Variants in INSL6 observed in about 807,000 individuals in gnomAD.
INSL6 encodes the protein insulin-like peptide INSL6.
A neutral mutation model predicts 9.4 loss-of-function variants in INSL6; 16 were observed. That is an observed-to-expected ratio of 1.70 (90% CI 1.15 to 2.59). The LOEUF is 2.59. Among genes scored for constraint, INSL6 ranks in the 30% most tolerant of loss-of-function variants. The probability of loss-of-function intolerance (pLI) is 0.00; values close to 1 mark genes in which losing one functional copy is unlikely to be tolerated. For synonymous variants in INSL6, 154 were observed against 96.9 expected (o/e 1.59, Z -3.46); for missense variants, 391 against 257.3 (o/e 1.52, Z -3.56).
At chr9:5,106,996 A>G in the INSL6 span, among the ~76,000 whole-genome samples, 2 of 152,178 alleles carry the variant, frequency 1.3e-5, no homozygotes, top group Non-Finnish European at 2.9e-5. Context: ...AAACCTGCAC[A>G]TTGTGCACAT....
At chr9:5,110,791 A>G in the INSL6 span, 3 of 407,766 alleles carry the variant, frequency 7.4e-6, no homozygotes, top group Non-Finnish European at 1.4e-5. Context: ...GGCCCGGGCC[A>G]CGCGCGACGC....
chr9:5,089,465 G>A, the INSL6 span, among the ~76,000 whole-genome samples: 3 of 147,930 alleles, frequency 2.0e-5, no homozygotes, highest in Admixed American at 2.0e-4. Context: ...GTGAACCCAG[G>A]GGGCGGAGCT....
the INSL6 span, chr9:5,085,158 G>T: frequency 9.2e-6 from 6 of 649,308 alleles, no homozygotes; most frequent in African/African-American, 7.2e-5. Flanking sequence ...GTGGAGCTCT[G>T]TCTACATCTC....
chr9:5,166,923 C>T (rs917538219), intron 1 of INSL6, among the ~76,000 whole-genome samples: 6 of 152,078 alleles, frequency 3.9e-5, no homozygotes, highest in Admixed American at 1.3e-4. Flanking sequence ...TCCATAAACA[C>T]GTTTTACAAA....
Position 5,169,715 on chromosome 9 carries a change from G to A in INSL6, c.290-5450C>T, listed in dbSNP as rs188428013. Among the ~76,000 whole-genome samples the A allele has an allele frequency of 4.0e-3, 613 of 152,264 alleles. 3 individuals are homozygous for A. The highest frequency in any genetic ancestry group is 0.014 in the African/African-American group (587 of 41,550). On this transcript the variant is annotated intron_variant, in intron 1 of 1. Coordinates refer to ENST00000381641, the MANE Select transcript of INSL6 (RefSeq NM_007179.3). Reference sequence around the variant, plus strand: ...TGGAAAACAGAAAACAGCAAGGGTTGCAATCCTAGTTTCTGACAAAACAGA... The same window carrying A: ...TGGAAAACAGAAAACAGCAAGGGTTACAATCCTAGTTTCTGACAAAACAGA...
At chr9:5,010,662 A>G in the INSL6 span, among the ~76,000 whole-genome samples, 2 of 152,198 alleles carry the variant, frequency 1.3e-5, no homozygotes, top group Admixed American at 6.5e-5. Context: ...AAGAAGAATA[A>G]TATTATAATT....
chr9:5,176,061 A>G (rs1825297190), intron 1 of INSL6, among the ~76,000 whole-genome samples: 1 of 152,150 alleles, frequency 6.6e-6, no homozygotes, highest in South Asian at 2.1e-4. Flanking sequence ...ACCCTATTTT[A>G]TCATGTCTGC....
chr9:5,176,736 G>T (rs541399949), intron 1 of INSL6, among the ~76,000 whole-genome samples: 1 of 149,612 alleles, frequency 6.7e-6, no homozygotes, highest in Admixed American at 6.7e-5. Context: ...AAAAAAAATG[G>T]TATAAGTTTA....
chr9:5,076,790 A>C, the INSL6 span, among the ~76,000 whole-genome samples: 2 of 152,266 alleles, frequency 1.3e-5, no homozygotes, highest in Admixed American at 6.5e-5. Context: ...ACATTTTTTC[A>C]TATCTTTGAA....
At chr9:5,042,106 T>A in the INSL6 span, among the ~76,000 whole-genome samples, 1 of 149,660 alleles carries the variant, frequency 6.7e-6, no homozygotes, top group African/African-American at 2.5e-5. Flanking sequence ...TTCCTTCACG[T>A]AAGACTGGCC....
At chr9:5,153,877 C>T (rs1483185235) in intron 2 of INSL6, among the ~76,000 whole-genome samples, 17 of 152,160 alleles carry the variant, frequency 1.1e-4, no homozygotes, top group Non-Finnish European at 2.1e-4. Flanking sequence ...GAATCAATAT[C>T]GTCAAAATGG....
chr9:5,040,498 C>A, the INSL6 span, among the ~76,000 whole-genome samples: 1 of 152,308 alleles, frequency 6.6e-6, no homozygotes, highest in Admixed American at 6.5e-5. Context: ...AGCACACTAT[C>A]AAAAATGCGA....
chr9:5,082,425 C>G, the INSL6 span, among the ~76,000 whole-genome samples: 1 of 152,248 alleles, frequency 6.6e-6, no homozygotes, highest in African/African-American at 2.4e-5. Context: ...AGCAGCATTG[C>G]TGCCAACATG....
chr9:5,000,987 T>A, the INSL6 span, among the ~76,000 whole-genome samples: 2 of 152,146 alleles, frequency 1.3e-5, no homozygotes, highest in Admixed American at 1.3e-4. Context: ...GCATCAAAAA[T>A]ACAGAATAAA....
the INSL6 span, among the ~76,000 whole-genome samples, chr9:5,088,475 C>G: frequency 6.6e-6 from 1 of 152,032 alleles, no homozygotes. Flanking sequence ...AATGTTATAG[C>G]AACTTACCAA....
At chr9:5,113,225 A>T in the INSL6 span, among the ~76,000 whole-genome samples, 3 of 137,218 alleles carry the variant, frequency 2.2e-5, no homozygotes, top group Non-Finnish European at 4.7e-5. Context: ...TTTTTCCAGT[A>T]AACAAAACCT....
downstream of INSL6, among the ~76,000 whole-genome samples, chr9:5,119,258 A>AT (rs906468834): frequency 1.8e-4 from 27 of 152,088 alleles, no homozygotes; most frequent in Admixed American, 5.2e-4. Flanking sequence ...ATAATATGTG[A>AT]TTTTTTTAAA....
the INSL6 span, among the ~76,000 whole-genome samples, chr9:5,032,124 C>T: frequency 6.6e-6 from 1 of 152,250 alleles, no homozygotes; most frequent in South Asian, 2.1e-4. Context: ...CTCAGAGGGT[C>T]CTACGCCCAC....
chr9:5,074,683 A>C, the INSL6 span, among the ~76,000 whole-genome samples: 2 of 152,248 alleles, frequency 1.3e-5, no homozygotes, highest in Non-Finnish European at 2.9e-5. Flanking sequence ...TAGGCCATTT[A>C]ATAATCACAC....
Sources: gnomAD v4.1 joint callset for allele counts (sites outside exome capture counted in the v4.1 genomes callset) on GRCh38, gnomAD v4.1.1 for gene constraint, MANE v1.5 for transcripts, NCBI Gene and HGNC (gene_info 2026-07-23, HGNC 2026-07-21) for gene names.